KIF17: variants seen among roughly 807,000 people sequenced by gnomAD.
The protein encoded by KIF17 is kinesin-like protein KIF17.
A neutral mutation model predicts 96.8 loss-of-function variants in KIF17; 80 were observed. The ratio of observed to expected loss-of-function variants is 0.83; its 90% CI spans 0.69 to 1.00. The LOEUF is 1.00. Ranked by LOEUF, KIF17 falls within the 50% of genes least tolerant of loss-of-function variation. The pLI, the probability that KIF17 is intolerant of heterozygous loss-of-function variation, is 0.00. For missense variants in KIF17, 1,280 were observed against 1,372.9 expected, an observed-to-expected ratio of 0.93 and a Z score of 1.07; for synonymous variants, 567 against 587.5, an observed-to-expected ratio of 0.97 and a Z score of 0.51.
chr1:20,716,327 C>T (rs915723951), intron 1 of KIF17, among the ~76,000 whole-genome samples: 1 of 151,958 alleles, frequency 6.6e-6, no homozygotes, highest in South Asian at 2.1e-4. Flanking sequence ...GGGCTTCTTT[C>T]GTGCATGGGC....
chr1:20,712,944 CTATATTATCTATATTATATA>C (rs1324190316), intron 3 of KIF17, among the ~76,000 whole-genome samples: 21 of 113,412 alleles, frequency 1.9e-4, no homozygotes, highest in African/African-American at 7.5e-4. Context: ...ATAATATTAT[CTATATTATCTATATTATATA>C]TATATTATCT....
rs71585777 is a variant in KIF17, at chr1:20,665,158, T to TC, written c.2909-397dup. ...ATGCCAGGCACTCAATTAATCCTAT[T>TC]CCCCCCGCCCCACCCATTCTGTCTC... On this transcript the variant is annotated intron_variant, in intron 14 of 14. Transcript: ENST00000400463. 2.6e-3 allele frequency among the ~76,000 whole-genome samples: 243 copies of TC among 94,470 alleles called. 1 individual carries two copies. The highest frequency in any genetic ancestry group is 0.011 in the Middle Eastern group (2 of 184). 62.0% of individuals were successfully genotyped at this position (94,470 alleles called of 152,430 possible). A position where few individuals can be genotyped will look rare whatever the true frequency, so the allele number is the denominator to read the frequency against.
chr1:20,712,600 A>AGATAATAT lies in KIF17; in HGVS notation c.480+853_480+854insATATTATC, dbSNP rs1553152926. Among the ~76,000 whole-genome samples the AGATAATAT allele has an allele frequency of 3.7e-3, 54 of 14,690 alleles. 11 individuals are homozygous for AGATAATAT. The highest frequency in any genetic ancestry group is 8.3e-3 in the African/African-American group (51 of 6,176). 9.6% of individuals were successfully genotyped at this position (14,690 alleles called of 152,430 possible). ...ATATTATCTATATATATATCTATAT[A>AGATAATAT]TATCTATATATATATAATATAGATA... On this transcript the variant is annotated intron_variant, in intron 3 of 14. Transcript: ENST00000400463.
Position 20,682,696 on chromosome 1 carries a change from T to C in KIF17, c.2420A>G (p.Glu807Gly), listed in dbSNP as rs115257742. The change falls in exon 11 of 15, where the codon GAA (glutamate) becomes GGA (glycine). Residue 807 changes from glutamate (E) to glycine (G), a missense_variant. Glu to Gly is a moderately conservative substitution (Grantham distance 98). Coordinates refer to ENST00000400463, the MANE Select transcript of KIF17 (RefSeq NM_001122819.3). ...LLNVYDSIQEEVRAKSKLLEK... is the reference protein window; with the variant it reads ...LLNVYDSIQEGVRAKSKLLEK... ...CAGCAGCTTGCTCTTGGCCCGCACT[T>C]CCTCCTGGATGGAGTCGTAGACGTT... is the stretch of plus-strand genomic sequence containing the variant. 5 of 1,613,856 alleles carry C rather than the reference T, an allele frequency of 3.1e-6. No homozygotes were observed. The African/African-American group carries it at 6.7e-5, about 22-fold the overall frequency.
intron 11 of KIF17, among the ~76,000 whole-genome samples, chr1:20,679,985 CGATT>C (rs35598230): frequency 2.0e-4 from 31 of 151,270 alleles, no homozygotes; most frequent in Non-Finnish European, 3.7e-4. Flanking sequence ...AATCAGAGAT[CGATT>C]GATTGATTGA....
chr1:20,666,357 C>T (rs1189537311), intron 13 of KIF17, 26 bp from the exon 14 acceptor site: 1 of 1,560,434 alleles, frequency 6.4e-7, no homozygotes, highest in African/African-American at 1.4e-5. Context: ...TGCCCGTGGT[C>T]ACGTCCCCTT....
chr1:20,714,796 C>A (rs867407031), intron 2 of KIF17, among the ~76,000 whole-genome samples: 285 of 107,398 alleles, frequency 2.7e-3, no homozygotes, highest in African/African-American at 3.2e-3. Flanking sequence ...GACTCCGTCT[C>A]AAAAAAAAAA....
chr1:20,669,400 G>T (rs1236791445), intron 13 of KIF17, among the ~76,000 whole-genome samples: 2 of 151,816 alleles, frequency 1.3e-5, no homozygotes, highest in East Asian at 3.9e-4. Context: ...AGCCGGGCTT[G>T]GTGGCGGGTG....
At chr1:20,702,526 G>A (rs1229445973) in intron 5 of KIF17, among the ~76,000 whole-genome samples, 1 of 152,144 alleles carries the variant, frequency 6.6e-6, no homozygotes, top group Non-Finnish European at 1.5e-5. Flanking sequence ...GAAGGCAGAT[G>A]GCTGAGGTGG....
At chr1:20,705,354 G>A (rs1177560546) in intron 4 of KIF17, among the ~76,000 whole-genome samples, 2 of 152,108 alleles carry the variant, frequency 1.3e-5, no homozygotes, top group Admixed American at 6.5e-5. Flanking sequence ...CAACCCAGTC[G>A]TGTCTTCTCC....
Position 20,687,498 on chromosome 1 carries a change from G to C in KIF17, c.1828C>G (p.Leu610Val), listed in dbSNP as rs1442949792. ...TCGGCAAACGGGTCCTGCAGGCCTA[G>C]TAACCCCTGCAGGGGCACCTCCTGC... ...EPQEVPLQGLLGLQDPFAEVE... is the reference protein window; with the variant it reads ...EPQEVPLQGLVGLQDPFAEVE... The change falls in exon 8 of 15, where the codon CTA becomes GTA. Residue 610 changes from leucine to valine, a missense_variant. Physicochemically the swap from Leu to Val is conservative, Grantham distance 32. Transcript: ENST00000400463. The surrounding 1 kb of genome is among the most constrained non-coding windows in gnomAD (Gnocchi z 4.4). The C allele has an allele frequency of 1.2e-6, 2 of 1,613,802 alleles. No individual in the cohort carries two copies. Among genetic ancestry groups the C allele is most frequent in the Non-Finnish European group, 1.7e-6 (2 of 1,179,836 alleles).
At chr1:20,665,307 A>G (rs1310891535) in intron 14 of KIF17, among the ~76,000 whole-genome samples, 1 of 138,448 alleles carries the variant, frequency 7.2e-6, no homozygotes, top group Non-Finnish European at 1.5e-5. Flanking sequence ...AGCTCACTGC[A>G]ACCTCTGCCT....
rs935558893 is a variant in KIF17 at position 20,687,035 on chromosome 1, G to A, written c.1938+353C>T. On this transcript the variant is annotated intron_variant, in intron 8 of 14. Coordinates refer to ENST00000400463, the MANE Select transcript of KIF17 (RefSeq NM_001122819.3). The surrounding 1 kb of genome is among the most constrained non-coding windows in gnomAD (Gnocchi z 4.4). ...CAGAGCTCACGAGCCAGTGAGCGTC[G>A]CCCAGGGCTCCGTCAGGCCTGGACA... 2.6e-5 allele frequency among the ~76,000 whole-genome samples: 4 copies of A among 152,124 alleles called. No individual in the cohort carries two copies. Among genetic ancestry groups the A allele is most frequent in the Non-Finnish European group, 4.4e-5 (3 of 68,018 alleles).
chr1:20,678,601 A>G (rs1282971785), intron 11 of KIF17, among the ~76,000 whole-genome samples: 1 of 152,044 alleles, frequency 6.6e-6, no homozygotes, highest in Non-Finnish European at 1.5e-5. Context: ...TTTGAATTAC[A>G]TGGAAGTACA....
chr1:20,709,927 C>T lies in KIF17; in HGVS notation c.481-99G>A. On this transcript the variant is annotated intron_variant, in intron 3 of 14. Transcript: ENST00000400463. This position sits in a 1 kb window ranked among gnomAD's most constrained non-coding sequence, Gnocchi z 4.7. ...AGAGAGAAGGGCCCCATCCAGACCG[C>T]CCTCGCCCTCCTGTAATGCAGGCTG... 1 of 1,110,594 alleles carries T rather than the reference C, an allele frequency of 9.0e-7. No individual in the cohort carries two copies. Among genetic ancestry groups the T allele is most frequent in the African/African-American group, 1.5e-5 (1 of 64,650 alleles). The allele number at this position is 1,110,594 out of a possible 1,614,324, so 68.8% of individuals were successfully genotyped here. A position where few individuals can be genotyped will look rare whatever the true frequency, so the allele number is the denominator to read the frequency against.
At chr1:20,706,436 CA>C (rs1311595109) in intron 4 of KIF17, among the ~76,000 whole-genome samples, 1 of 151,262 alleles carries the variant, frequency 6.6e-6, no homozygotes, top group African/African-American at 2.4e-5. Flanking sequence ...ACTAAAAATA[CA>C]AAAATTAGCC....
At chr1:20,670,128 G>T (rs1183474534) in intron 13 of KIF17, among the ~76,000 whole-genome samples, 1 of 152,050 alleles carries the variant, frequency 6.6e-6, no homozygotes, top group Non-Finnish European at 1.5e-5. Flanking sequence ...TGTGCTGCTT[G>T]TCCTCTGAGT....
In KIF17 at chr1:20,704,652, C is replaced by T. The variant is rs755200199; in HGVS notation, c.918G>A (p.Thr306=). The change falls in exon 5 of 15, where the codon ACG becomes ACA. Residue 306 remains threonine, a synonymous_variant. Transcript: ENST00000400463. The surrounding 1 kb of genome is among the most constrained non-coding windows in gnomAD (Gnocchi z 6.8). ...LQDSLGGNTK[T]LMVACLSPAD... is the part of the protein sequence containing the mutation. ...CAGGCGACAGGCAGGCCACCATGAG[C>T]GTCTTGGTGTTGCCGCCCAGTGAGT... The T allele has an allele frequency of 3.7e-6, 6 of 1,614,016 alleles. No homozygotes were observed. In the East Asian group the frequency reaches 8.9e-5, roughly 24 times the overall value.
At chr1:20,707,214 G>C (rs1429740541) in intron 4 of KIF17, among the ~76,000 whole-genome samples, 1 of 152,222 alleles carries the variant, frequency 6.6e-6, no homozygotes, top group African/African-American at 2.4e-5. Context: ...AGGGAACCGA[G>C]TCTGAGGAAA....
Sources: allele counts gnomAD v4.1 joint callset (sites outside exome capture counted in the v4.1 genomes callset), GRCh38; gene constraint gnomAD v4.1.1; non-coding constraint Gnocchi (gnomAD v3.1); transcripts MANE v1.5; gene names NCBI Gene and HGNC (gene_info 2026-07-23, HGNC 2026-07-21).